BOK: variants seen among roughly 807,000 people sequenced by gnomAD.
BOK encodes bcl-2-related ovarian killer protein.
In BOK, 20 loss-of-function variants were observed where a neutral mutation model predicts 18.3. The observed-to-expected ratio is 1.09, with a 90% CI of 0.77 to 1.59. The LOEUF (loss-of-function observed/expected upper bound fraction) is 1.59, where lower values mean the gene tolerates loss of function less well. Ranked by LOEUF, BOK falls within the 40% of genes most tolerant of loss-of-function variation. The probability of loss-of-function intolerance (pLI) is 0.00; values close to 1 mark genes in which losing one functional copy is unlikely to be tolerated. For missense variants in BOK, 348 were observed against 307.9 expected (o/e 1.13, Z -0.97); for synonymous variants, 173 against 142.4 (o/e 1.21, Z -1.53).
chr2:241,572,105 G>A (rs2066733451), intron 4 of BOK, among the ~76,000 whole-genome samples, 192 bp from the exon 5 acceptor site: 1 of 152,252 alleles, frequency 6.6e-6, no homozygotes, highest in African/African-American at 2.4e-5. Context: ...CTGTCTGAAT[G>A]TGCACGGCAT....
At chr2:241,565,133 A>C (rs2066591459) in intron 3 of BOK, among the ~76,000 whole-genome samples, 1 of 152,050 alleles carries the variant, frequency 6.6e-6, no homozygotes, top group Admixed American at 6.5e-5. Context: ...AGTTCAGTTT[A>C]AGTCTTGTTT....
intron 1 of BOK, among the ~76,000 whole-genome samples, chr2:241,552,920 C>A (rs569281680): frequency 1.3e-5 from 2 of 152,316 alleles, no homozygotes; most frequent in South Asian, 4.1e-4. Context: ...ACACACACTA[C>A]CCAGCAGAAA....
chr2:241,555,976 A>G (rs1222918303), upstream of BOK, among the ~76,000 whole-genome samples: 1 of 152,190 alleles, frequency 6.6e-6, no homozygotes, highest in Non-Finnish European at 1.5e-5. Flanking sequence ...GCCTGCAAGT[A>G]CAGGCTCTTC....
upstream of BOK, among the ~76,000 whole-genome samples, chr2:241,555,009 A>T (rs1309912787): frequency 6.6e-6 from 1 of 152,098 alleles, no homozygotes; most frequent in Non-Finnish European, 1.5e-5. Context: ...TGACCGGAGA[A>T]ATGTAGGCTC....
chr2:241,564,517 G>C (rs1294749665), intron 3 of BOK, among the ~76,000 whole-genome samples: 1 of 151,882 alleles, frequency 6.6e-6, no homozygotes, highest in Non-Finnish European at 1.5e-5. Context: ...GAGTCGGCTG[G>C]GGGTGCATAT....
rs2066494212 is a variant in BOK at position 241,559,588 on chromosome 2, C to T, written c.105C>T (p.Gly35=). The T allele has an allele frequency of 6.6e-7, 1 of 1,509,886 alleles. No homozygotes were observed. The highest frequency in any genetic ancestry group is 8.8e-7 in the Non-Finnish European group (1 of 1,137,598). The allele number at this position is 1,509,886 out of a possible 1,614,324, so 93.5% of individuals were successfully genotyped here. A position where few individuals can be genotyped will look rare whatever the true frequency, so the allele number is the denominator to read the frequency against. ...KELVAQAKAL[G]REYVHARLLR... is the part of the protein sequence containing the mutation. ...TGGTGGCCCAGGCCAAGGCGCTGGG[C>T]CGGGAGTACGTGCACGCGCGGCTGC... The change falls in exon 2 of 5, where the codon GGC becomes GGT. Residue 35 remains glycine (G), a synonymous_variant. Coordinates refer to ENST00000318407, the MANE Select transcript of BOK (RefSeq NM_032515.5).
At chr2:241,556,373 A>G (rs541845697), upstream of BOK, among the ~76,000 whole-genome samples, 1 of 152,334 alleles carries the variant, frequency 6.6e-6, no homozygotes, top group South Asian at 2.1e-4. Context: ...TCACGAGGTC[A>G]AGAGATCGAG....
chr2:241,553,849 C>T (rs1484152693), upstream of BOK, among the ~76,000 whole-genome samples: 1 of 152,132 alleles, frequency 6.6e-6, no homozygotes. Context: ...GCCTCTACCC[C>T]AAGGGGTACC....
upstream of BOK, among the ~76,000 whole-genome samples, chr2:241,558,091 TTA>T (rs1299374294): frequency 1.5e-5 from 1 of 64,766 alleles, no homozygotes; most frequent in East Asian, 4.2e-4. Flanking sequence ...TTCAGCTGAT[TTA>T]TGTTGAGATG....
At chr2:241,563,294 G>T (rs971703261) in intron 3 of BOK, among the ~76,000 whole-genome samples, 2 of 152,160 alleles carry the variant, frequency 1.3e-5, no homozygotes, top group African/African-American at 4.8e-5. Context: ...CTGTCCGCTT[G>T]CCCCATGTCA....
intron 3 of BOK, among the ~76,000 whole-genome samples, chr2:241,568,986 GCTGCTAACTCCCTGCGGGGATCA>G (rs1257540976): frequency 2.0e-5 from 3 of 151,424 alleles, no homozygotes; most frequent in African/African-American, 4.9e-5. Context: ...TCCGGGGACC[GCTGCTAACTCCCTGCGGGGATCA>G]CTGCTGGGCT....
At chr2:241,571,299 G>C (rs2066714815) in intron 4 of BOK, among the ~76,000 whole-genome samples, 1 of 147,604 alleles carries the variant, frequency 6.8e-6, no homozygotes, top group African/African-American at 2.4e-5. Flanking sequence ...TTCCTGCCCT[G>C]CTCCGGCCAG....
intron 3 of BOK, among the ~76,000 whole-genome samples, chr2:241,569,468 AT>A (rs2066670971): frequency 6.6e-6 from 1 of 152,096 alleles, no homozygotes. Context: ...TTTTGTTTTA[AT>A]TTGCCTTTCT....
upstream of BOK, among the ~76,000 whole-genome samples, chr2:241,553,985 A>G (rs2125041062): frequency 6.6e-6 from 1 of 152,274 alleles, no homozygotes; most frequent in African/African-American, 2.4e-5. Context: ...CACTGGGCAA[A>G]GGAAATGGAT....
Position 241,572,442 on chromosome 2 carries a change from C to A in BOK, c.*20C>A. 1 of 1,589,846 alleles carries A rather than the reference C, an allele frequency of 6.3e-7. No individual in the cohort carries two copies. The highest frequency in any genetic ancestry group is 8.5e-7 in the Non-Finnish European group (1 of 1,175,410). On this transcript the variant is annotated 3_prime_UTR_variant, in exon 5 of 5. Transcript: ENST00000318407. ...AGATGAGCTGCCCACCTGGCAGTGG[C>A]CGCAGCCTGGCCCTCTGGGCCCAAC...
intron 3 of BOK, among the ~76,000 whole-genome samples, chr2:241,565,521 C>A (rs1211575334): frequency 6.6e-6 from 1 of 152,132 alleles, no homozygotes; most frequent in Non-Finnish European, 1.5e-5. Flanking sequence ...CACATCCTTG[C>A]CTCCCTGCCT....
upstream of BOK, among the ~76,000 whole-genome samples, chr2:241,557,163 T>C (rs2066459055): frequency 6.6e-6 from 1 of 152,136 alleles, no homozygotes; most frequent in Non-Finnish European, 1.5e-5. Context: ...GAACCAATTT[T>C]TGGCTTTGTT....
chr2:241,560,074 C>T, intron 2 of BOK: 1 of 985,444 alleles, frequency 1.0e-6, no homozygotes, highest in Non-Finnish European at 1.2e-6. Context: ...AAAACAGATT[C>T]TTGCTGTTAC....
At chr2:241,571,869 C>G (rs780128837) in intron 4 of BOK, among the ~76,000 whole-genome samples, 2 of 152,262 alleles carry the variant, frequency 1.3e-5, no homozygotes, top group Admixed American at 6.5e-5. Flanking sequence ...GGGTTTGCCC[C>G]TTCCTGGTAG....
Sources: gnomAD v4.1 joint callset for allele counts (sites outside exome capture counted in the v4.1 genomes callset) on GRCh38, gnomAD v4.1.1 for gene constraint, MANE v1.5 for transcripts, NCBI Gene and HGNC (gene_info 2026-07-23, HGNC 2026-07-21) for gene names.